Variants in AKAP9 observed in about 807,000 individuals in gnomAD.
AKAP9 encodes A-kinase anchor protein 9.
A neutral mutation model predicts 488.5 loss-of-function variants in AKAP9; 311 were observed. The ratio of observed to expected loss-of-function variants is 0.64; its 90% confidence interval spans 0.58 to 0.70. The LOEUF is 0.70. Among genes scored for constraint, AKAP9 ranks in the 30% least tolerant of loss-of-function variants. The pLI, the probability that AKAP9 is intolerant of heterozygous loss-of-function variation, is 0.00. For synonymous variants in AKAP9, 1,462 were observed against 1,483.5 expected (o/e 0.99, Z 0.33); for missense variants, 4,215 against 4,374.5 (o/e 0.96, Z 1.03).
At chr7:91,976,791 T>G (rs1015261082) in intron 2 of AKAP9, among the ~76,000 whole-genome samples, 4 of 152,236 alleles carry the variant, frequency 2.6e-5, no homozygotes, top group Non-Finnish European at 5.9e-5. Flanking sequence ...TAGTGGCTTT[T>G]CATTTATTTT....
At position 92,097,015 on chromosome 7, in the gene AKAP9, A is replaced by C; in HGVS notation, c.10056A>C (p.Leu3352=). The C allele has an allele frequency of 6.2e-7, 1 of 1,614,232 alleles. No individual in the cohort carries two copies. The highest frequency in any genetic ancestry group is 8.5e-7 in the Non-Finnish European group (1 of 1,180,018). The stretch of plus-strand genomic sequence containing the variant: ...TACTGAAAGAGCTGCAGAAACAGCT[A>C]GAGGAAAAACACAGTCGCATAGTAG... ...EDLLKELQKQ[L]EEKHSRIVEL... The change falls in exon 41 of 50, where the codon CTA becomes CTC. Residue 3352 remains leucine, a synonymous_variant. Coordinates refer to ENST00000356239, the MANE Select transcript of AKAP9 (RefSeq NM_005751.5).
chr7:92,101,563 C>A (rs903272586), intron 45 of AKAP9, among the ~76,000 whole-genome samples: 1 of 152,170 alleles, frequency 6.6e-6, no homozygotes, highest in East Asian at 1.9e-4. Context: ...CCAGATTAAC[C>A]TTTATTAATG....
In AKAP9 at chr7:92,086,335, A is replaced by G. The variant is rs1814560403; in HGVS notation, c.9132A>G (p.Ala3044=). 6.2e-7 allele frequency: 1 copy of G among 1,613,942 alleles called. No individual in the cohort carries two copies. Residue 3044 remains alanine, a synonymous_variant, in exon 37 of 50, where the codon GCA becomes GCG. Coordinates refer to ENST00000356239, the MANE Select transcript of AKAP9 (RefSeq NM_005751.5). The part of the protein sequence containing the change: ...FLEERSVLLA[A]FRTELTALGT... ...AAGAGCGTAGTGTTTTACTAGCAGCATTTCGGACGGAGCTGACAGCTCTAG... is the reference window on the plus strand; with the variant it reads ...AAGAGCGTAGTGTTTTACTAGCAGCGTTTCGGACGGAGCTGACAGCTCTAG...
chr7:91,963,891 ATTG>A (rs1794094021), intron 1 of AKAP9, among the ~76,000 whole-genome samples: 1 of 152,176 alleles, frequency 6.6e-6, no homozygotes, highest in African/African-American at 2.4e-5. Context: ...TTTTCTGGCC[ATTG>A]TTGTAACTGG....
chr7:91,964,017 C>T (rs1324447893), intron 1 of AKAP9, among the ~76,000 whole-genome samples: 2 of 151,926 alleles, frequency 1.3e-5, no homozygotes. Flanking sequence ...GACCAAAGAG[C>T]TCAAATTCAA....
chr7:92,029,139 C>G (rs2961021), intron 14 of AKAP9, among the ~76,000 whole-genome samples: 3,144 of 150,568 alleles, frequency 0.021, 90 homozygotes, highest in African/African-American at 0.071. Context: ...TCCCATGGAT[C>G]CTAAATGCTG....
At chr7:91,976,792 C>A (rs961965994) in intron 2 of AKAP9, among the ~76,000 whole-genome samples, 1 of 152,056 alleles carries the variant, frequency 6.6e-6, no homozygotes, top group Non-Finnish European at 1.5e-5. Context: ...AGTGGCTTTT[C>A]ATTTATTTTC....
chr7:91,986,269 G>A (rs1020320693), intron 3 of AKAP9, among the ~76,000 whole-genome samples: 2 of 152,162 alleles, frequency 1.3e-5, no homozygotes, highest in South Asian at 2.1e-4. Context: ...AGTATTGGGC[G>A]GGAGTGTCCC....
chr7:92,079,885 A>C lies in AKAP9; in HGVS notation c.7752A>C (p.Thr2584=). 3 of 1,614,052 alleles carry C rather than the reference A, an allele frequency of 1.9e-6. 1 individual carries two copies. In the South Asian group the frequency reaches 3.3e-5, roughly 18 times the overall value. The change falls in exon 31 of 50, where the codon ACA becomes ACC. Residue 2584 remains threonine (T), a synonymous_variant. Coordinates refer to ENST00000356239, the MANE Select transcript of AKAP9 (RefSeq NM_005751.5). ...NQTISSEPER[T]NIQNLNQLRE... is the part of the protein sequence containing the mutation. ...CAATTTCATCAGAACCTGAAAGAAC[A>C]AATATTCAGAATTTAAATCAACTAA...
chr7:92,018,395 A>AACACACACACACACACACACAC (rs56394853), intron 12 of AKAP9, among the ~76,000 whole-genome samples: 8 of 120,610 alleles, frequency 6.6e-5, no homozygotes, highest in East Asian at 4.8e-4. Context: ...CTAAAAATAT[A>AACACACACACACACACACACAC]ACACACACAC....
chr7:91,997,796 C>T (rs2046408909), intron 7 of AKAP9, among the ~76,000 whole-genome samples: 1 of 152,058 alleles, frequency 6.6e-6, no homozygotes, highest in Admixed American at 6.6e-5. Context: ...GGGGGAATAA[C>T]CTTTGTTATT....
In AKAP9 at chr7:92,095,117, G is replaced by A. The variant is rs1488574595; in HGVS notation, c.9673G>A (p.Glu3225Lys). ...KKSRELQWAL[E>K]KEKAKLGRSE... ...ATCAAGAGAGCTCCAGTGGGCTTTG[G>A]AGAAAGAGAAAGCCAAGTTGGGACG... Residue 3225 changes from glutamate (E) to lysine (K), a missense_variant, in exon 40 of 50, where the codon GAG becomes AAG. Physicochemically the swap from Glu to Lys is moderately conservative, Grantham distance 56 (BLOSUM62 1). This residue lies in a region of AKAP9 where 1,476 missense variants were observed against 1,477.4 expected (regional missense o/e 1.00). Transcript: ENST00000356239. 2 of 1,614,052 alleles carry A rather than the reference G, an allele frequency of 1.2e-6. No individual in the cohort carries two copies. The highest frequency in any genetic ancestry group is 3.3e-5 in the Admixed American group (2 of 60,006).
At chr7:92,021,651 C>T (rs986090380) in intron 12 of AKAP9, among the ~76,000 whole-genome samples, 1 of 152,108 alleles carries the variant, frequency 6.6e-6, no homozygotes, top group Non-Finnish European at 1.5e-5. Context: ...GTTGGCCAGG[C>T]TGATCCTGAA....
At chr7:92,032,851 A>C (rs1804519199) in intron 16 of AKAP9, among the ~76,000 whole-genome samples, 1 of 152,148 alleles carries the variant, frequency 6.6e-6, no homozygotes, top group Non-Finnish European at 1.5e-5. Context: ...ATCAAATGGA[A>C]TGGTGTATCA....
chr7:92,093,212 A>G lies in AKAP9; in HGVS notation c.9474A>G (p.Lys3158=). 1.9e-6 allele frequency: 3 copies of G among 1,614,148 alleles called. No homozygotes were observed. Among genetic ancestry groups the G allele is most frequent in the Non-Finnish European group, 2.5e-6 (3 of 1,180,014 alleles). Reference sequence around the variant, plus strand: ...TGCAGGAGCAGCTGAGTTCTGAGAAAATGGTGGTTGCTGAACTGAAGAGTG... The same window carrying G: ...TGCAGGAGCAGCTGAGTTCTGAGAAGATGGTGGTTGCTGAACTGAAGAGTG... ...TELQEQLSSE[K]MVVAELKSEL... Residue 3158 remains lysine, a synonymous_variant, in exon 39 of 50, where the codon AAA becomes AAG. Transcript: ENST00000356239.
At chr7:92,018,295 G>C (rs930038180) in intron 12 of AKAP9, among the ~76,000 whole-genome samples, 14 of 152,056 alleles carry the variant, frequency 9.2e-5, no homozygotes, top group African/African-American at 3.4e-4. Context: ...TGAGGTGGGA[G>C]GATCACTTGA....
rs1311711943 is a variant in AKAP9 at position 91,994,007 on chromosome 7, T to C, written c.577-614T>C. 2.0e-5 allele frequency among the ~76,000 whole-genome samples: 3 copies of C among 152,148 alleles called. No homozygotes were observed. In the East Asian group the frequency reaches 5.8e-4, roughly 29 times the overall value. ...AGCCAGGCATAGTGGTGTGTGCCTGTAGTCCTAGTTACTTGGGAGGCTGAG... is the reference window on the plus strand; with the variant it reads ...AGCCAGGCATAGTGGTGTGTGCCTGCAGTCCTAGTTACTTGGGAGGCTGAG... On this transcript the variant is annotated intron_variant, in intron 5 of 49. Transcript: ENST00000356239.
At chr7:92,104,596 AC>A (rs1469971300) in intron 46 of AKAP9, among the ~76,000 whole-genome samples, 1 of 152,188 alleles carries the variant, frequency 6.6e-6, no homozygotes, top group Non-Finnish European at 1.5e-5. Context: ...GGGAGCGGTT[AC>A]AAAGCCAGTA....
chr7:92,089,203 A>G (rs1302371650), intron 37 of AKAP9, among the ~76,000 whole-genome samples, 182 bp from the exon 38 acceptor site: 1 of 152,218 alleles, frequency 6.6e-6, no homozygotes, highest in African/African-American at 2.4e-5. Context: ...TGGTATTTAG[A>G]GGTAAATGAG....
Sources: allele counts gnomAD v4.1 joint callset (sites outside exome capture counted in the v4.1 genomes callset), GRCh38; gene constraint gnomAD v4.1.1; regional missense constraint gnomAD v4.1.1; transcripts MANE v1.5; gene names NCBI Gene and HGNC (gene_info 2026-07-23, HGNC 2026-07-21).